NIPA1: variants seen among roughly 807,000 people sequenced by gnomAD.
The protein encoded by NIPA1 is NIPA magnesium transporter 1.
In NIPA1, 13 loss-of-function variants were observed where a neutral mutation model predicts 23.9. The ratio of observed to expected loss-of-function variants is 0.54; its 90% CI spans 0.35 to 0.87. The LOEUF is 0.87. Ranked by LOEUF, NIPA1 falls within the 40% of genes least tolerant of loss-of-function variation. The probability of loss-of-function intolerance (pLI) is 0.01; values close to 1 mark genes in which losing one functional copy is unlikely to be tolerated. For missense variants in NIPA1, 362 were observed against 429.7 expected (o/e 0.84, Z 1.39); for synonymous variants, 234 against 202.9 (o/e 1.15, Z -1.30).
chr15:22,828,448 T>G lies in NIPA1; in HGVS notation c.*4209T>G, dbSNP rs1485401478. On this transcript the variant is annotated 3_prime_UTR_variant, in exon 5 of 5. Transcript: ENST00000337435. ...TGTCCTTTAGCTTATAGGTGATGTT[T>G]CACATCTGGCCAGATTCTTATACCT... 1 of 152,590 alleles carries G rather than the reference T, an allele frequency of 6.6e-6. No individual in the cohort carries two copies. Among genetic ancestry groups the G allele is most frequent in the Non-Finnish European group, 1.5e-5 (1 of 68,034 alleles). The allele number at this position is 152,590 out of a possible 1,614,324, so 9.5% of individuals were successfully genotyped here.
intron 1 of NIPA1, among the ~76,000 whole-genome samples, chr15:22,801,127 G>A (rs182656544): frequency 2.0e-5 from 3 of 151,868 alleles, no homozygotes; most frequent in African/African-American, 7.2e-5. Context: ...ATGTATGTCA[G>A]TTTATGTCCT....
Position 22,791,204 on chromosome 15 carries a change from C to A in NIPA1, c.178+4370C>A, listed in dbSNP as rs561749386. ...GGCACTTGATCTCTCAAGTTGCCCG[C>A]TTGGCCCTCTTCCAAGTCTACTTTA... is the stretch of plus-strand genomic sequence containing the variant. On this transcript the variant is annotated intron_variant, in intron 1 of 4. Transcript: ENST00000337435. Among the ~76,000 whole-genome samples, 35 of 152,254 alleles carry A rather than the reference C, an allele frequency of 2.3e-4. No individual in the cohort carries two copies. In the South Asian group the frequency reaches 7.2e-3, roughly 32 times the overall value.
intron 1 of NIPA1, among the ~76,000 whole-genome samples, chr15:22,793,069 C>T (rs1046607308): frequency 2.0e-5 from 3 of 151,814 alleles, no homozygotes; most frequent in Admixed American, 6.6e-5. Context: ...TCAAAAATCC[C>T]GGGCGTGCGG....
intron 1 of NIPA1, among the ~76,000 whole-genome samples, chr15:22,799,253 AAG>A (rs1194336055): frequency 6.6e-6 from 1 of 152,208 alleles, no homozygotes; most frequent in Admixed American, 6.5e-5. Context: ...CAGCCATAAA[AAG>A]AACAAGATCA....
chr15:22,805,076 A>T (rs972906770), intron 1 of NIPA1, among the ~76,000 whole-genome samples: 3 of 151,854 alleles, frequency 2.0e-5, no homozygotes, highest in Non-Finnish European at 4.4e-5. Context: ...TCCTGACCTC[A>T]TGATCCACCT....
At chr15:22,792,806 T>A (rs1420960287) in intron 1 of NIPA1, among the ~76,000 whole-genome samples, 2 of 151,468 alleles carry the variant, frequency 1.3e-5, no homozygotes, top group Admixed American at 6.6e-5. Context: ...ATACAGAAAT[T>A]GTCCGGGTGT....
At chr15:22,802,391 CAAA>C (rs10689474) in intron 1 of NIPA1, among the ~76,000 whole-genome samples, 2 of 114,640 alleles carry the variant, frequency 1.7e-5, no homozygotes. Context: ...GACTCTGTCT[CAAA>C]AAAAAAAAAA....
intron 1 of NIPA1, among the ~76,000 whole-genome samples, chr15:22,800,485 A>G (rs759126867): frequency 1.3e-5 from 2 of 152,064 alleles, no homozygotes; most frequent in African/African-American, 2.4e-5. Flanking sequence ...GCTCTTTATC[A>G]TGTAATTTAA....
At chr15:22,820,676 C>T (rs995764668) in intron 4 of NIPA1, among the ~76,000 whole-genome samples, 13 of 151,912 alleles carry the variant, frequency 8.6e-5, no homozygotes, top group African/African-American at 2.4e-4. Flanking sequence ...ACCCTCCCGC[C>T]TGATCCTCAG....
At position 22,826,011 on chromosome 15, in the gene NIPA1, GGGTAAAGTAGATTA is replaced by G. The variant is rs1895642862; in HGVS notation, c.*1776_*1789del. On this transcript the variant is annotated 3_prime_UTR_variant, in exon 5 of 5. Transcript: ENST00000337435. ...CTACGCCAAGTTGAAAGATGGGGTTGGGTAAAGTAGATTAGGTGAAGTAGAACATAAAATTGAAT... is the reference window on the plus strand; with the variant it reads ...CTACGCCAAGTTGAAAGATGGGGTTGGGTGAAGTAGAACATAAAATTGAAT... 1 of 152,148 alleles carries G rather than the reference GGGTAAAGTAGATTA, an allele frequency of 6.6e-6. No individual in the cohort carries two copies. The highest frequency in any genetic ancestry group is 1.5e-5 in the Non-Finnish European group (1 of 68,012). 9.4% of individuals were successfully genotyped at this position (152,148 alleles called of 1,614,324 possible). A position where few individuals can be genotyped will look rare whatever the true frequency, so the allele number is the denominator to read the frequency against.
At chr15:22,801,340 C>T (rs915608481) in intron 1 of NIPA1, among the ~76,000 whole-genome samples, 1 of 151,962 alleles carries the variant, frequency 6.6e-6, no homozygotes, top group Non-Finnish European at 1.5e-5. Context: ...TAATACTTGA[C>T]ATCTACCCGT....
At chr15:22,808,679 C>CTTTTTTTTTTTTTTTTTTTT (rs59983551) in intron 1 of NIPA1, among the ~76,000 whole-genome samples, 4 of 128,334 alleles carry the variant, frequency 3.1e-5, no homozygotes, top group Non-Finnish European at 4.7e-5. Flanking sequence ...TAGCAATATT[C>CTTTTTTTTTTTTTTTTTTTT]TTTTTTTTGA....
At chr15:22,809,213 C>T (rs1895271912) in intron 1 of NIPA1, among the ~76,000 whole-genome samples, 2 of 151,788 alleles carry the variant, frequency 1.3e-5, no homozygotes, top group Admixed American at 1.3e-4. Flanking sequence ...ATAGCAAAAC[C>T]CCCTCTCTAC....
In NIPA1 at chr15:22,823,991, A is replaced by C. The variant is rs1206143134; in HGVS notation, c.742A>C (p.Ile248Leu). 1.2e-5 allele frequency: 19 copies of C among 1,614,080 alleles called. No individual in the cohort carries two copies. The highest frequency in any genetic ancestry group is 1.6e-5 in the Non-Finnish European group (19 of 1,180,046). Residue 248 changes from isoleucine (I) to leucine (L), a missense_variant, in exon 5 of 5, where the codon ATC (isoleucine) becomes CTC (leucine). Coordinates refer to ENST00000337435, the MANE Select transcript of NIPA1 (RefSeq NM_144599.5). ...GCSIIVQFRY[I>L]NKALECFDSS... is the part of the protein sequence containing the mutation. Reference sequence around the variant, plus strand: ...CAGCATCATCGTCCAGTTCAGGTACATCAACAAGGCGCTGGAGTGCTTCGA... The same window carrying C: ...CAGCATCATCGTCCAGTTCAGGTACCTCAACAAGGCGCTGGAGTGCTTCGA...
intron 1 of NIPA1, among the ~76,000 whole-genome samples, chr15:22,796,931 G>A (rs997021741): frequency 7.9e-5 from 12 of 152,008 alleles, no homozygotes; most frequent in Admixed American, 7.9e-4. Flanking sequence ...TTTCCTGATT[G>A]TAGAATACAT....
At chr15:22,823,612 G>A (rs918635447) in intron 4 of NIPA1, 116 bp from the exon 5 acceptor site, 5 of 990,894 alleles carry the variant, frequency 5.0e-6, no homozygotes, top group Non-Finnish European at 4.6e-6. Flanking sequence ...GGGCTGTGCC[G>A]CAGTAGAGGC....
At position 22,786,691 on chromosome 15, in the gene NIPA1, C is replaced by A; in HGVS notation, c.35C>A (p.Ala12Glu). The change falls in exon 1 of 5, where the codon GCG becomes GAG. Residue 12 changes from alanine to glutamate, a missense_variant. By Grantham distance (107) the Ala-to-Glu change is moderately radical. Transcript: ENST00000337435. ...GTAAAAAAAA[A>E]AAAAGEGARS... ...GCAGCTGCGGCAGCGGCGGCGGCGG[C>A]GGCGGCGGCGGCCGGGGAGGGGGCG... 9.0e-7 allele frequency: 1 copy of A among 1,110,512 alleles called. No homozygotes were observed. The highest frequency in any genetic ancestry group is 4.6e-5 in the Admixed American group (1 of 21,750). The allele number at this position is 1,110,512 out of a possible 1,614,324, so 68.8% of individuals were successfully genotyped here. A position where few individuals can be genotyped will look rare whatever the true frequency, so the allele number is the denominator to read the frequency against.
chr15:22,811,372 C>G (rs1378593517), intron 2 of NIPA1, among the ~76,000 whole-genome samples: 2 of 152,124 alleles, frequency 1.3e-5, no homozygotes, highest in Non-Finnish European at 2.9e-5. Context: ...CTTTGGGAGG[C>G]TGAGACAGGT....
intron 1 of NIPA1, among the ~76,000 whole-genome samples, chr15:22,797,774 A>C (rs1894971292): frequency 6.6e-6 from 1 of 151,310 alleles, no homozygotes; most frequent in African/African-American, 2.4e-5. Flanking sequence ...AAGTATTGGG[A>C]TTACAGCAGG....
Sources: allele counts gnomAD v4.1 joint callset (sites outside exome capture counted in the v4.1 genomes callset), GRCh38; gene constraint gnomAD v4.1.1; transcripts MANE v1.5; gene names NCBI Gene and HGNC (gene_info 2026-07-23, HGNC 2026-07-21).